ADAMTS18: variants seen among roughly 807,000 people sequenced by gnomAD.
ADAMTS18 encodes the protein A disintegrin and metalloproteinase with thrombospondin motifs 18.
In ADAMTS18, 157 loss-of-function variants were observed where a neutral mutation model predicts 165.9. That is an observed-to-expected ratio of 0.95 (90% CI 0.83 to 1.08). The LOEUF (loss-of-function observed/expected upper bound fraction) is 1.08. Among genes scored for constraint, ADAMTS18 ranks in the 50% least tolerant of loss-of-function variants. The pLI, the probability that ADAMTS18 is intolerant of heterozygous loss-of-function variation, is 0.00. For synonymous variants in ADAMTS18, 782 were observed against 578.2 expected (o/e 1.35, Z -5.06); for missense variants, 2,040 against 1,534.0 (o/e 1.33, Z -5.51).
intron 20 of ADAMTS18, 80 bp downstream of exon 20, chr16:77,292,996 T>A: frequency 1.9e-6 from 3 of 1,584,546 alleles, no homozygotes; most frequent in Non-Finnish European, 2.6e-6. Context: ...ATTTTTTGTA[T>A]TTTTAGTAGA....
At position 77,431,756 on chromosome 16, in the gene ADAMTS18, C is replaced by T. The variant is rs1456412053; in HGVS notation, c.179-145G>A. On this transcript the variant is annotated intron_variant, in intron 2 of 22. Coordinates refer to ENST00000282849, the MANE Select transcript of ADAMTS18 (RefSeq NM_199355.4). Reference sequence around the variant, plus strand: ...CACCTAGATCAAATATAATTCAGAGCAGCACAGGCAGCAGAAGACCTGTCT... The same window carrying T: ...CACCTAGATCAAATATAATTCAGAGTAGCACAGGCAGCAGAAGACCTGTCT... 6.9e-5 allele frequency: 59 copies of T among 852,424 alleles called. No individual in the cohort carries two copies. In the East Asian group the frequency reaches 9.8e-4, roughly 14 times the overall value. The allele number at this position is 852,424 out of a possible 1,614,324, so 52.8% of individuals were successfully genotyped here. A position where few individuals can be genotyped will look rare whatever the true frequency, so the allele number is the denominator to read the frequency against.
intron 22 of ADAMTS18, among the ~76,000 whole-genome samples, chr16:77,288,831 G>C (rs1267677578): frequency 1.3e-5 from 2 of 152,156 alleles, no homozygotes; most frequent in African/African-American, 2.4e-5. Context: ...CACTAGGATA[G>C]GCTGGGCATG....
chr16:77,305,334 A>T (rs1453349765), intron 16 of ADAMTS18, among the ~76,000 whole-genome samples: 1 of 152,162 alleles, frequency 6.6e-6, no homozygotes, highest in East Asian at 1.9e-4. Context: ...TCTCTGTGGG[A>T]AAGTTTCTCT....
In ADAMTS18 at chr16:77,404,433, A is replaced by G. The variant is rs114430269; in HGVS notation, c.495+26862T>C. On this transcript the variant is annotated intron_variant, in intron 3 of 22. Coordinates refer to ENST00000282849, the MANE Select transcript of ADAMTS18 (RefSeq NM_199355.4). ...AATCATACATACCTAGGATTTCTCTATAAGTTCTTCTCTATAAGTCTGCAG... is the reference window on the plus strand; with the variant it reads ...AATCATACATACCTAGGATTTCTCTGTAAGTTCTTCTCTATAAGTCTGCAG... Among the ~76,000 whole-genome samples the G allele has an allele frequency of 4.1e-3, 625 of 152,302 alleles. 8 individuals are homozygous for G. The highest frequency in any genetic ancestry group is 0.014 in the African/African-American group (602 of 41,578).
intron 3 of ADAMTS18, among the ~76,000 whole-genome samples, chr16:77,405,591 C>A (rs1249033715): frequency 1.3e-5 from 2 of 152,274 alleles, no homozygotes; most frequent in Middle Eastern, 3.4e-3. Flanking sequence ...GAGTGATTAA[C>A]CTCTTGTATT....
intron 3 of ADAMTS18, among the ~76,000 whole-genome samples, chr16:77,371,218 T>TAAAAACAAAAAC (rs139311207): frequency 6.8e-4 from 102 of 149,694 alleles, no homozygotes; most frequent in Non-Finnish European, 1.3e-3. Context: ...CTGACTCAAT[T>TAAAAACAAAAAC]AAAAACAAAA....
chr16:77,353,761 G>C lies in ADAMTS18; in HGVS notation c.1586C>G (p.Ala529Gly). The C allele has an allele frequency of 1.2e-6, 2 of 1,614,082 alleles. No homozygotes were observed. The highest frequency in any genetic ancestry group is 1.7e-6 in the Non-Finnish European group (2 of 1,180,022). ...TQCKWQFGAKAKLCSLGFVKD... is the reference protein window; with the variant it reads ...TQCKWQFGAKGKLCSLGFVKD... ...CACAAAACCAAGGCTGCATAACTTGGCTTTTGCTCCAAATTGCCATTTACA... is the reference window on the plus strand; with the variant it reads ...CACAAAACCAAGGCTGCATAACTTGCCTTTTGCTCCAAATTGCCATTTACA... The change falls in exon 10 of 23, where the codon GCC becomes GGC. Residue 529 changes from alanine to glycine, a missense_variant. Ala to Gly is a moderately conservative substitution (Grantham distance 60, BLOSUM62 0). Coordinates refer to ENST00000282849, the MANE Select transcript of ADAMTS18 (RefSeq NM_199355.4).
intron 3 of ADAMTS18, among the ~76,000 whole-genome samples, chr16:77,421,260 C>T (rs536912464): frequency 7.9e-5 from 12 of 152,306 alleles, no homozygotes; most frequent in Admixed American, 2.0e-4. Context: ...AGACAGAACA[C>T]TCTCACCAGA....
intron 16 of ADAMTS18, among the ~76,000 whole-genome samples, chr16:77,307,038 C>T (rs1382902396): frequency 6.6e-6 from 1 of 152,206 alleles, no homozygotes; most frequent in Non-Finnish European, 1.5e-5. Context: ...TACTTTGTGA[C>T]ACTGGGTTTG....
intron 18 of ADAMTS18, among the ~76,000 whole-genome samples, 154 bp downstream of exon 18, chr16:77,297,135 T>C (rs1011398868): frequency 6.6e-6 from 1 of 152,184 alleles, no homozygotes; most frequent in Non-Finnish European, 1.5e-5. Flanking sequence ...CCACCATGCC[T>C]AGCTCATCAT....
intron 10 of ADAMTS18, among the ~76,000 whole-genome samples, chr16:77,345,554 A>G (rs1251469831): frequency 1.3e-5 from 2 of 152,164 alleles, no homozygotes. Flanking sequence ...CAAGCCTCAA[A>G]GGCTTTTACC....
At chr16:77,328,458 C>G (rs2056132741) in intron 12 of ADAMTS18, among the ~76,000 whole-genome samples, 1 of 152,176 alleles carries the variant, frequency 6.6e-6, no homozygotes, top group African/African-American at 2.4e-5. Context: ...TCCCATCCTC[C>G]TATAACTGCA....
intron 3 of ADAMTS18, among the ~76,000 whole-genome samples, chr16:77,383,758 G>T (rs577126553): frequency 6.6e-6 from 1 of 152,122 alleles, no homozygotes; most frequent in African/African-American, 2.4e-5. Context: ...GGTCAGGCTG[G>T]TCTTGAACTC....
rs1458526412 is a variant in ADAMTS18 at position 77,283,676 on chromosome 16, T to A, written c.*280A>T. 2.5e-6 allele frequency: 1 copy of A among 402,158 alleles called. No homozygotes were observed. Among genetic ancestry groups the A allele is most frequent in the African/African-American group, 2.0e-5 (1 of 48,952 alleles). 24.9% of individuals were successfully genotyped at this position (402,158 alleles called of 1,614,324 possible). On this transcript the variant is annotated 3_prime_UTR_variant, in exon 23 of 23. Coordinates refer to ENST00000282849, the MANE Select transcript of ADAMTS18 (RefSeq NM_199355.4). ...CCCAAATCGACGTATCTCAGTGTGA[T>A]TCACCACTTCTTGCATATAACAGTG...
chr16:77,370,298 C>A (rs1430499069), intron 3 of ADAMTS18, among the ~76,000 whole-genome samples: 1 of 152,074 alleles, frequency 6.6e-6, no homozygotes. Context: ...CCAAATTGTC[C>A]CTGTTTTCAG....
intron 12 of ADAMTS18, among the ~76,000 whole-genome samples, chr16:77,334,046 T>A (rs1400596100): frequency 7.3e-6 from 1 of 137,162 alleles, no homozygotes; most frequent in Non-Finnish European, 1.5e-5. Flanking sequence ...ATGCTATATA[T>A]AATATACAGT....
At chr16:77,363,735 T>C in intron 6 of ADAMTS18, 67 bp downstream of exon 6, 9 of 1,389,792 alleles carry the variant, frequency 6.5e-6, no homozygotes, top group Non-Finnish European at 9.2e-6. Context: ...GTGAACACAG[T>C]AGGTGTTCAA....
chr16:77,424,931 C>G (rs1021615849), intron 3 of ADAMTS18, among the ~76,000 whole-genome samples: 6 of 152,158 alleles, frequency 3.9e-5, no homozygotes, highest in South Asian at 2.1e-4. Context: ...TCTTTCTGCC[C>G]GCCATGGACG....
chr16:77,414,307 T>C (rs985665771), intron 3 of ADAMTS18, among the ~76,000 whole-genome samples: 1 of 152,234 alleles, frequency 6.6e-6, no homozygotes, highest in East Asian at 1.9e-4. Context: ...GCTATACCTG[T>C]ACTGCCCAAG....
Sources: allele counts gnomAD v4.1 joint callset (sites outside exome capture counted in the v4.1 genomes callset), GRCh38; gene constraint gnomAD v4.1.1; transcripts MANE v1.5; gene names NCBI Gene and HGNC (gene_info 2026-07-23, HGNC 2026-07-21).